The following MMAB variants were observed in gnomAD, a reference collection of about 807,000 sequenced individuals.
MMAB encodes metabolism of cobalamin associated B.
Under a neutral mutation model 30.6 loss-of-function variants are expected in MMAB, and 17 were observed. The observed-to-expected ratio is 0.56, with a 90% confidence interval of 0.38 to 0.83. The LOEUF (loss-of-function observed/expected upper bound fraction) is 0.83, where lower values mean the gene tolerates loss of function less well. Ranked by LOEUF, MMAB falls within the 40% of genes least tolerant of loss-of-function variation. MMAB has a pLI of 0.00. For missense variants in MMAB, 311 were observed against 331.6 expected, an observed-to-expected ratio of 0.94 and a Z score of 0.48; for synonymous variants, 134 against 138.6, an observed-to-expected ratio of 0.97 and a Z score of 0.23.
chr12:109,568,519 A>T lies in MMAB; in HGVS notation c.290+251T>A, dbSNP rs143988074. Reference sequence around the variant, plus strand: ...CACAGGCTCACCTGAAAAGTGAGGGATGAGAGGGAGGCAGCTTCACATGGC... The same window carrying T: ...CACAGGCTCACCTGAAAAGTGAGGGTTGAGAGGGAGGCAGCTTCACATGGC... On this transcript the variant is annotated intron_variant, in intron 3 of 8. Transcript: ENST00000545712. 3.8e-4 allele frequency: 225 copies of T among 593,386 alleles called. No homozygotes were observed. The East Asian group carries it at 6.1e-3, about 16-fold the overall frequency. The allele number at this position is 593,386 out of a possible 1,614,324, so 36.8% of individuals were successfully genotyped here.
chr12:109,554,842 A>G lies in MMAB; in HGVS notation c.*2186T>C, dbSNP rs147647465. 2,244 of 453,836 alleles carry G rather than the reference A, an allele frequency of 4.9e-3. 25 individuals carry two copies. Among genetic ancestry groups the G allele is most frequent in the South Asian group, 0.018 (1,171 of 64,468 alleles). 28.1% of individuals were successfully genotyped at this position (453,836 alleles called of 1,614,324 possible). On this transcript the variant is annotated 3_prime_UTR_variant, in exon 9 of 9. Transcript: ENST00000545712. ...CCAGCCCCCAAAGCAAGCTTTCTCC[A>G]TTTTTCCCAGGTTGGTAGCACAGGA... is the stretch of plus-strand genomic sequence containing the variant.
rs1555273709 is a variant in MMAB, at chr12:109,555,287, T to TTTTTGTTTGTTTG, written c.*1740_*1741insCAAACAAACAAAA. 3.0e-5 allele frequency: 11 copies of TTTTTGTTTGTTTG among 366,390 alleles called. No individual in the cohort carries two copies. Among genetic ancestry groups the TTTTTGTTTGTTTG allele is most frequent in the East Asian group, 2.2e-4 (3 of 13,722 alleles). The allele number at this position is 366,390 out of a possible 1,614,324, so 22.7% of individuals were successfully genotyped here. A position where few individuals can be genotyped will look rare whatever the true frequency, so the allele number is the denominator to read the frequency against. ...TTGCGTTTTCAGGGTTTTTTTTTTT[T>TTTTTGTTTGTTTG]TTTTTTTTTTTTTGTGACGGAGTCT... On this transcript the variant is annotated 3_prime_UTR_variant, in exon 9 of 9. Coordinates refer to ENST00000545712, the MANE Select transcript of MMAB (RefSeq NM_052845.4).
chr12:109,557,189 A>G (rs760713519), intron 8 of MMAB, 53 bp from the exon 9 acceptor site: 55 of 1,201,980 alleles, frequency 4.6e-5, no homozygotes, highest in Non-Finnish European at 6.6e-5. Context: ...TGAGAGATCA[A>G]CGCTAACTGG....
At position 109,561,701 on chromosome 12, in the gene MMAB, C is replaced by T. The variant is rs1477438484; in HGVS notation, c.421+79G>A. On this transcript the variant is annotated intron_variant, in intron 5 of 8. Transcript: ENST00000545712. The surrounding 1 kb of genome is among the most constrained non-coding windows in gnomAD (Gnocchi z 5.3). ...GACCCACCCGTGGGTCCCTGGGGGC[C>T]TGGGATCCCAGATGGTGACCCTAGG... is the stretch of plus-strand genomic sequence containing the variant. 2 of 1,420,896 alleles carry T rather than the reference C, an allele frequency of 1.4e-6. No individual in the cohort carries two copies. The highest frequency in any genetic ancestry group is 1.9e-6 in the Non-Finnish European group (2 of 1,028,556). 88.0% of individuals were successfully genotyped at this position (1,420,896 alleles called of 1,614,324 possible). A position where few individuals can be genotyped will look rare whatever the true frequency, so the allele number is the denominator to read the frequency against.
intron 1 of MMAB, chr12:109,573,131 C>T (rs1423968540): frequency 3.1e-6 from 2 of 641,876 alleles, no homozygotes; most frequent in Non-Finnish European, 5.6e-6. Context: ...ATATGCCCTG[C>T]CCTGCCCGAT....
chr12:109,557,184 G>A (rs753656956), intron 8 of MMAB, 48 bp from the exon 9 acceptor site: 3 of 1,246,064 alleles, frequency 2.4e-6, no homozygotes, highest in Admixed American at 3.4e-5. Flanking sequence ...TGAAATGAGA[G>A]ATCAACGCTA....
In MMAB at chr12:109,555,589, G is replaced by C; in HGVS notation, c.*1439C>G. Reference sequence around the variant, plus strand: ...TTCAGCTCTGTTTTGCAAACACTGAGCACCGACTCCGTACCAGACCTGGTA... The same window carrying C: ...TTCAGCTCTGTTTTGCAAACACTGACCACCGACTCCGTACCAGACCTGGTA... On this transcript the variant is annotated 3_prime_UTR_variant, in exon 9 of 9. Transcript: ENST00000545712. 2.2e-6 allele frequency: 1 copy of C among 451,564 alleles called. No homozygotes were observed. Among genetic ancestry groups the C allele is most frequent in the Non-Finnish European group, 4.4e-6 (1 of 225,776 alleles). 28.0% of individuals were successfully genotyped at this position (451,564 alleles called of 1,614,324 possible). A position where few individuals can be genotyped will look rare whatever the true frequency, so the allele number is the denominator to read the frequency against.
At position 109,555,283 on chromosome 12, in the gene MMAB, T is replaced by TTG. The variant is rs1555273687; in HGVS notation, c.*1744_*1745insCA. The TTG allele has an allele frequency of 5.9e-5, 18 of 303,720 alleles. 1 individual carries two copies. The highest frequency in any genetic ancestry group is 1.2e-3 in the Middle Eastern group (1 of 862). 18.8% of individuals were successfully genotyped at this position (303,720 alleles called of 1,614,324 possible). A position where few individuals can be genotyped will look rare whatever the true frequency, so the allele number is the denominator to read the frequency against. On this transcript the variant is annotated 3_prime_UTR_variant, in exon 9 of 9. Coordinates refer to ENST00000545712, the MANE Select transcript of MMAB (RefSeq NM_052845.4). Reference sequence around the variant, plus strand: ...GTGATTGCGTTTTCAGGGTTTTTTTTTTTTTTTTTTTTTTTTTGTGACGGA... The same window carrying TTG: ...GTGATTGCGTTTTCAGGGTTTTTTTTTGTTTTTTTTTTTTTTTTTGTGACGGA...
At chr12:109,561,000 C>CCT (rs772215304) in intron 7 of MMAB, 40 bp downstream of exon 7, 1 of 1,271,312 alleles carries the variant, frequency 7.9e-7, no homozygotes, top group South Asian at 1.2e-5. Flanking sequence ...TGTTCCTCTC[C>CCT]CTCTCCCTTG....
rs1442269064 is a variant in MMAB at position 109,555,573 on chromosome 12, G to A, written c.*1455C>T. On this transcript the variant is annotated 3_prime_UTR_variant, in exon 9 of 9. Coordinates refer to ENST00000545712, the MANE Select transcript of MMAB (RefSeq NM_052845.4). ...CCTCCCAAAGTCCGTTTTCAGCTCT[G>A]TTTTGCAAACACTGAGCACCGACTC... The A allele has an allele frequency of 2.2e-6, 1 of 448,658 alleles. No individual in the cohort carries two copies. Among genetic ancestry groups the A allele is most frequent in the Non-Finnish European group, 4.4e-6 (1 of 225,272 alleles). The allele number at this position is 448,658 out of a possible 1,614,324, so 27.8% of individuals were successfully genotyped here.
chr12:109,564,627 A>C (rs956032897), intron 4 of MMAB, among the ~76,000 whole-genome samples: 1 of 151,396 alleles, frequency 6.6e-6, no homozygotes, highest in Non-Finnish European at 1.5e-5. Context: ...CCTGGCTTGA[A>C]GTGATGCTCC....
Position 109,561,543 on chromosome 12 carries a change from C to G in MMAB, c.422-26G>C. ...CTGAGGAGCCAAGGAGCAGAGGGAA[C>G]TGCCATGAGGCCATCACCCACCAGA... On this transcript the variant is annotated intron_variant, in intron 5 of 8. Coordinates refer to ENST00000545712, the MANE Select transcript of MMAB (RefSeq NM_052845.4). The surrounding 1 kb of genome is among the most constrained non-coding windows in gnomAD (Gnocchi z 5.3). The G allele has an allele frequency of 1.3e-6, 2 of 1,533,680 alleles. No individual in the cohort carries two copies. Among genetic ancestry groups the G allele is most frequent in the Non-Finnish European group, 1.8e-6 (2 of 1,136,532 alleles).
At chr12:109,571,829 G>T in intron 1 of MMAB, 119 bp from the exon 2 acceptor site, 1 of 784,496 alleles carries the variant, frequency 1.3e-6, no homozygotes, top group Non-Finnish European at 2.3e-6. Flanking sequence ...ACCCCTTACT[G>T]CTTAGATGGT....
Position 109,555,153 on chromosome 12 carries a change from T to TTATATATA in MMAB, c.*1867_*1874dup, listed in dbSNP as rs10623308. On this transcript the variant is annotated 3_prime_UTR_variant, in exon 9 of 9. Coordinates refer to ENST00000545712, the MANE Select transcript of MMAB (RefSeq NM_052845.4). ...AGGCATGCAGGGCTGCTGTGTTATTTTATATATATATATATATTCCAGGAA... is the reference window on the plus strand; with the variant it reads ...AGGCATGCAGGGCTGCTGTGTTATTTTATATATATATATATATATATATATTCCAGGAA... The TTATATATA allele has an allele frequency of 2.5e-6, 1 of 398,468 alleles. No individual in the cohort carries two copies. Among genetic ancestry groups the TTATATATA allele is most frequent in the African/African-American group, 2.1e-5 (1 of 48,238 alleles). 24.7% of individuals were successfully genotyped at this position (398,468 alleles called of 1,614,324 possible). A position where few individuals can be genotyped will look rare whatever the true frequency, so the allele number is the denominator to read the frequency against.
chr12:109,553,725 A>T lies in MMAB; in HGVS notation c.*3303T>A. 1 of 396,510 alleles carries T rather than the reference A, an allele frequency of 2.5e-6. No homozygotes were observed. The highest frequency in any genetic ancestry group is 5.1e-6 in the Non-Finnish European group (1 of 197,440). 24.6% of individuals were successfully genotyped at this position (396,510 alleles called of 1,614,324 possible). On this transcript the variant is annotated 3_prime_UTR_variant, in exon 9 of 9. Transcript: ENST00000545712. ...CCTTCCAGGCACTGATTTATGTAGC[A>T]TTCATGCGGAATTTATTATACAAAG...
intron 1 of MMAB, among the ~76,000 whole-genome samples, chr12:109,572,139 C>T (rs1384032995): frequency 6.6e-6 from 1 of 152,152 alleles, no homozygotes; most frequent in African/African-American, 2.4e-5. Context: ...AGATGAGACA[C>T]CTTCCTAGAC....
chr12:109,566,486 C>G (rs552036809), intron 3 of MMAB, among the ~76,000 whole-genome samples: 1 of 152,338 alleles, frequency 6.6e-6, no homozygotes, highest in South Asian at 2.1e-4. Context: ...TCCATCATAG[C>G]GGATGCCCCA....
rs1417507445 is a variant in MMAB, at chr12:109,556,311, A to G, written c.*717T>C. ...GACCCTTGACTCAGTCCAACCAGACAGGGAATGTTCACCTTCAAGTGGTAG... is the reference window on the plus strand; with the variant it reads ...GACCCTTGACTCAGTCCAACCAGACGGGGAATGTTCACCTTCAAGTGGTAG... On this transcript the variant is annotated 3_prime_UTR_variant, in exon 9 of 9. Coordinates refer to ENST00000545712, the MANE Select transcript of MMAB (RefSeq NM_052845.4). The G allele has an allele frequency of 4.4e-6, 2 of 453,594 alleles. No homozygotes were observed. Among genetic ancestry groups the G allele is most frequent in the African/African-American group, 2.0e-5 (1 of 49,996 alleles). 28.1% of individuals were successfully genotyped at this position (453,594 alleles called of 1,614,324 possible).
rs889082862 is a variant in MMAB at position 109,569,715 on chromosome 12, A to G, written c.197-852T>C. ...AGGTGCCGGCCTGGCACTCACAGGTAGACTGTGGTGTTCTGCTGAACACAA... is the reference window on the plus strand; with the variant it reads ...AGGTGCCGGCCTGGCACTCACAGGTGGACTGTGGTGTTCTGCTGAACACAA... On this transcript the variant is annotated intron_variant, in intron 2 of 8. Coordinates refer to ENST00000545712, the MANE Select transcript of MMAB (RefSeq NM_052845.4). This position sits in a 1 kb window ranked among gnomAD's most constrained non-coding sequence, Gnocchi z 4.1. 6.6e-6 allele frequency among the ~76,000 whole-genome samples: 1 copy of G among 152,186 alleles called. No homozygotes were observed. Among genetic ancestry groups the G allele is most frequent in the African/African-American group, 2.4e-5 (1 of 41,444 alleles).
Sources: gnomAD v4.1 joint callset for allele counts (sites outside exome capture counted in the v4.1 genomes callset) on GRCh38, gnomAD v4.1.1 for gene constraint, Gnocchi (gnomAD v3.1) non-coding constraint, MANE v1.5 for transcripts, NCBI Gene and HGNC (gene_info 2026-07-23, HGNC 2026-07-21) for gene names.